The following WNT2 variants were observed in gnomAD, a reference collection of about 807,000 sequenced individuals.
WNT2 encodes the protein Wnt family member 2, also known as protein Wnt-2.
Under a neutral mutation model 36.9 loss-of-function variants are expected in WNT2, and 12 were observed. The ratio of observed to expected loss-of-function variants is 0.33; its 90% CI spans 0.21 to 0.53. WNT2 has a LOEUF of 0.53. WNT2 is among the 20% of genes least tolerant of loss of function. WNT2 has a pLI of 0.95. For missense variants in WNT2, 379 were observed against 473.1 expected, an observed-to-expected ratio of 0.80 and a Z score of 1.84; for synonymous variants, 163 against 174.6, an observed-to-expected ratio of 0.93 and a Z score of 0.52.
intron 3 of WNT2, among the ~76,000 whole-genome samples, chr7:117,303,796 A>G (rs553309142): frequency 6.6e-6 from 1 of 152,378 alleles, no homozygotes; most frequent in Admixed American, 6.5e-5. Flanking sequence ...CTTTGTATCA[A>G]TGAAGGATGT....
intron 4 of WNT2, among the ~76,000 whole-genome samples, chr7:117,285,352 GT>G (rs1373111128): frequency 5.3e-5 from 8 of 152,334 alleles, no homozygotes; most frequent in African/African-American, 1.9e-4. Flanking sequence ...CCTCAAGGTG[GT>G]TTTAATATGT....
chr7:117,281,360 C>A (rs1012046444), intron 4 of WNT2, among the ~76,000 whole-genome samples: 1 of 152,152 alleles, frequency 6.6e-6, no homozygotes, highest in Admixed American at 6.5e-5. Flanking sequence ...ATCTCAGCCT[C>A]TCAAGTGGCT....
intron 3 of WNT2, among the ~76,000 whole-genome samples, chr7:117,305,435 C>A (rs1010581225): frequency 1.3e-5 from 2 of 152,054 alleles, no homozygotes; most frequent in Non-Finnish European, 2.9e-5. Context: ...TAAAAAAGTT[C>A]TTTTATCCTT....
At position 117,319,569 on chromosome 7, in the gene WNT2, G is replaced by A. The variant is rs920005940; in HGVS notation, c.310+998C>T. Among the ~76,000 whole-genome samples, 4 of 151,692 alleles carry A rather than the reference G, an allele frequency of 2.6e-5. No individual in the cohort carries two copies. The East Asian group carries it at 7.7e-4, about 29-fold the overall frequency. On this transcript the variant is annotated intron_variant, in intron 2 of 4. Coordinates refer to ENST00000265441, the MANE Select transcript of WNT2 (RefSeq NM_003391.3). ...CAAGTAAAAAGTTTCCTATTTTGGG[G>A]GTTTGCACATAAACTGCTGTGTTTT...
At chr7:117,295,149 CAAGAT>C (rs72044454) in intron 4 of WNT2, among the ~76,000 whole-genome samples, 22,760 of 151,694 alleles carry the variant, frequency 0.15, 2,275 homozygotes, top group East Asian at 0.43. Context: ...TGAGACGAGA[CAAGAT>C]GAGATGAGAC....
At position 117,284,138 on chromosome 7, in the gene WNT2, C is replaced by T. The variant is rs1425101214; in HGVS notation, c.854-5754G>A. Among the ~76,000 whole-genome samples, 4 of 152,182 alleles carry T rather than the reference C, an allele frequency of 2.6e-5. No homozygotes were observed. The highest frequency in any genetic ancestry group is 5.9e-5 in the Non-Finnish European group (4 of 68,032). ...GAAGGGCAGTTTTGACACTTGCTGTCATTTTAGCAGAACATACAGCCATTT... is the reference window on the plus strand; with the variant it reads ...GAAGGGCAGTTTTGACACTTGCTGTTATTTTAGCAGAACATACAGCCATTT... On this transcript the variant is annotated intron_variant, in intron 4 of 4. Transcript: ENST00000265441. The surrounding 1 kb of genome is among the most constrained non-coding windows in gnomAD (Gnocchi z 5.2).
chr7:117,287,562 T>C (rs1794608416), intron 4 of WNT2, among the ~76,000 whole-genome samples: 1 of 152,180 alleles, frequency 6.6e-6, no homozygotes, highest in Admixed American at 6.5e-5. Context: ...TTGATCATTT[T>C]TTCATGCATC....
At chr7:117,295,474 G>A (rs180764418) in intron 4 of WNT2, among the ~76,000 whole-genome samples, 13 of 150,298 alleles carry the variant, frequency 8.6e-5, no homozygotes, top group Non-Finnish European at 1.3e-4. Flanking sequence ...ATTAGATTCA[G>A]AATCACCTCT....
At chr7:117,304,838 C>A (rs1438047687) in intron 3 of WNT2, among the ~76,000 whole-genome samples, 1 of 152,188 alleles carries the variant, frequency 6.6e-6, no homozygotes, top group African/African-American at 2.4e-5. Flanking sequence ...ATACTTTCTT[C>A]CCGATTTCTT....
intron 3 of WNT2, among the ~76,000 whole-genome samples, chr7:117,299,136 T>G (rs1794852714): frequency 6.6e-6 from 1 of 152,232 alleles, no homozygotes; most frequent in Non-Finnish European, 1.5e-5. Flanking sequence ...ATGAAATTCC[T>G]CTTCGGAATT....
In WNT2 at chr7:117,278,392, A is replaced by G. The variant is rs763517875; in HGVS notation, c.854-8T>C. The G allele has an allele frequency of 5.6e-6, 9 of 1,610,900 alleles. No homozygotes were observed. In the East Asian group the frequency reaches 1.8e-4, roughly 32 times the overall value. On this transcript the variant is annotated splice_region_variant and splice_polypyrimidine_tract_variant and intron_variant, in intron 4 of 4. Coordinates refer to ENST00000265441, the MANE Select transcript of WNT2 (RefSeq NM_003391.3). ...CTGCTGTACCCAGGGAGCCTGGAAG[A>G]CAAGCCAGGGAGTGTTACTGAAAAG...
chr7:117,278,148 G>C lies in WNT2; in HGVS notation c.*7C>G. On this transcript the variant is annotated 3_prime_UTR_variant, in exon 5 of 5. Transcript: ENST00000265441. ...GAAGGGAAGGTGGATGGTGACGCCT[G>C]CTGGGGTCATGTAGCGGTTGTCCAG... is the stretch of plus-strand genomic sequence containing the variant. The C allele has an allele frequency of 1.2e-6, 2 of 1,614,036 alleles. No individual in the cohort carries two copies. Among genetic ancestry groups the C allele is most frequent in the Middle Eastern group, 3.3e-4 (2 of 6,062 alleles).
intron 4 of WNT2, among the ~76,000 whole-genome samples, chr7:117,291,459 C>A (rs1794688303): frequency 6.6e-6 from 1 of 152,180 alleles, no homozygotes; most frequent in African/African-American, 2.4e-5. Context: ...TAGAGATGAA[C>A]CTATCTGTAC....
intron 3 of WNT2, among the ~76,000 whole-genome samples, chr7:117,311,846 T>G (rs1370858663): frequency 6.6e-6 from 1 of 152,212 alleles, no homozygotes; most frequent in Admixed American, 6.5e-5. Context: ...CTTCCATACA[T>G]GAGAAAAACC....
At chr7:117,319,508 A>G in intron 2 of WNT2, among the ~76,000 whole-genome samples, 1 of 121,472 alleles carries the variant, frequency 8.2e-6, no homozygotes, top group African/African-American at 3.3e-5. Flanking sequence ...AGTCTGGATG[A>G]TTTTCTTAGG....
At chr7:117,281,682 C>G (rs1004334484) in intron 4 of WNT2, among the ~76,000 whole-genome samples, 1 of 152,042 alleles carries the variant, frequency 6.6e-6, no homozygotes, top group Admixed American at 6.6e-5. Flanking sequence ...TGTTGGAATA[C>G]TTCAGACAAG....
At position 117,278,244 on chromosome 7, in the gene WNT2, A is replaced by G; in HGVS notation, c.994T>C (p.Cys332Arg). The change falls in exon 5 of 5, where the codon TGC becomes CGC. Residue 332 changes from cysteine to arginine, a missense_variant. Transcript: ENST00000265441. ...TKCGCKFHWC[C>R]AVRCQDCLEA... Reference sequence around the variant, plus strand: ...AGGCAGTCCTGACAGCGCACGGCGCAGCACCAGTGGAACTTACACCCACAC... The same window carrying G: ...AGGCAGTCCTGACAGCGCACGGCGCGGCACCAGTGGAACTTACACCCACAC... 1.9e-6 allele frequency: 3 copies of G among 1,614,240 alleles called. No homozygotes were observed. The highest frequency in any genetic ancestry group is 2.5e-6 in the Non-Finnish European group (3 of 1,180,050).
In WNT2 at chr7:117,278,135, G is replaced by A. The variant is rs1458892077; in HGVS notation, c.*20C>T. ...TGGAGTCCTTGTAGAAGGGAAGGTG[G>A]ATGGTGACGCCTGCTGGGGTCATGT... On this transcript the variant is annotated 3_prime_UTR_variant, in exon 5 of 5. Coordinates refer to ENST00000265441, the MANE Select transcript of WNT2 (RefSeq NM_003391.3). 2 of 1,612,614 alleles carry A rather than the reference G, an allele frequency of 1.2e-6. No individual in the cohort carries two copies. The highest frequency in any genetic ancestry group is 2.2e-5 in the South Asian group (2 of 91,014).
intron 4 of WNT2, among the ~76,000 whole-genome samples, chr7:117,292,690 G>T (rs2116344585): frequency 6.6e-6 from 1 of 152,310 alleles, no homozygotes; most frequent in East Asian, 1.9e-4. Context: ...TTTGATGGCT[G>T]AAATAATTTT....
Sources: gnomAD v4.1 joint callset for allele counts (sites outside exome capture counted in the v4.1 genomes callset) on GRCh38, gnomAD v4.1.1 for gene constraint, Gnocchi (gnomAD v3.1) non-coding constraint, MANE v1.5 for transcripts, NCBI Gene and HGNC (gene_info 2026-07-23, HGNC 2026-07-21) for gene names.